Variants in USP7 observed in about 807,000 individuals in gnomAD.
USP7 encodes ubiquitin specific peptidase 7.
Under a neutral mutation model 162.9 loss-of-function variants are expected in USP7, and 9 were observed. That is an observed-to-expected ratio of 0.06 (90% CI 0.03 to 0.10). The LOEUF is 0.10. USP7 is among the 10% of genes least tolerant of loss of function. USP7 has a pLI of 1.00. For synonymous variants in USP7, 562 were observed against 475.9 expected, an observed-to-expected ratio of 1.18 and a Z score of -2.35; for missense variants, 715 against 1,373.7, an observed-to-expected ratio of 0.52 and a Z score of 7.58.
At chr16:8,929,659 C>T in intron 2 of USP7, 1 of 446,288 alleles carries the variant, frequency 2.2e-6, no homozygotes, top group Non-Finnish European at 4.5e-6. Flanking sequence ...CTGCTCCCTA[C>T]TCACAAGTGT....
rs1447392605 is a variant in USP7, at chr16:8,936,980, G to A, written c.80-6583C>T. ...GAAAGTCGCTGGGGGGCACACAGGC[G>A]CTCTGTCATAATTTTGCAACTTTTC... On this transcript the variant is annotated intron_variant, in intron 1 of 30. Coordinates refer to ENST00000344836, the MANE Select transcript of USP7 (RefSeq NM_003470.3). 3.9e-5 allele frequency among the ~76,000 whole-genome samples: 6 copies of A among 152,154 alleles called. No individual in the cohort carries two copies. In the East Asian group the frequency reaches 7.7e-4, roughly 20 times the overall value.
chr16:8,963,233 C>T lies in USP7; in HGVS notation c.53G>A (p.Ser18Asn), dbSNP rs1394655023. 5.0e-6 allele frequency: 7 copies of T among 1,405,368 alleles called. No individual in the cohort carries two copies. The highest frequency in any genetic ancestry group is 1.5e-5 in the African/African-American group (1 of 66,216). The allele number at this position is 1,405,368 out of a possible 1,614,324, so 87.1% of individuals were successfully genotyped here. The part of the protein sequence containing the change: ...QQQKAGEQQL[S>N]EPEDMEMEAG... ...TTCCATCTCCATGTCCTCGGGCTCG[C>T]TCAACTGCTGCTCGCCCGCTTTCTG... is the stretch of plus-strand genomic sequence containing the variant. Residue 18 changes from serine (S) to asparagine (N), a missense_variant, in exon 1 of 31, where the codon AGC (serine) becomes AAC (asparagine). Physicochemically the swap from Ser to Asn is conservative, Grantham distance 46 (BLOSUM62 1). Coordinates refer to ENST00000344836, the MANE Select transcript of USP7 (RefSeq NM_003470.3).
chr16:8,937,843 G>C (rs148552453), intron 1 of USP7, among the ~76,000 whole-genome samples: 1 of 152,178 alleles, frequency 6.6e-6, no homozygotes, highest in Non-Finnish European at 1.5e-5. Context: ...AACTGGACAA[G>C]AGAATTGCTC....
At position 8,904,336 on chromosome 16, in the gene USP7, C is replaced by T. The variant is rs1057341609; in HGVS notation, c.1704+99G>A. ...GATGGATGCCCTGCTGCATGGTGAC[C>T]TGGGAGTCCCAGAGGGGTGGGGGCT... On this transcript the variant is annotated intron_variant, in intron 15 of 30. Coordinates refer to ENST00000344836, the MANE Select transcript of USP7 (RefSeq NM_003470.3). 19 of 1,548,764 alleles carry T rather than the reference C, an allele frequency of 1.2e-5. No individual in the cohort carries two copies. The African/African-American group carries it at 2.5e-4, about 20-fold the overall frequency.
intron 1 of USP7, among the ~76,000 whole-genome samples, chr16:8,962,152 C>A (rs757853177): frequency 6.6e-6 from 1 of 152,230 alleles, no homozygotes; most frequent in African/African-American, 2.4e-5. Context: ...TCCCCTGGAG[C>A]TTCATTCATT....
At chr16:8,936,455 A>C (rs1474539460) in intron 1 of USP7, 1 of 974,410 alleles carries the variant, frequency 1.0e-6, no homozygotes, top group Non-Finnish European at 1.4e-6. Context: ...TCTTTATATA[A>C]ATTTTACTGA....
intron 1 of USP7, among the ~76,000 whole-genome samples, chr16:8,931,088 A>C (rs556703733): frequency 3.2e-4 from 49 of 152,346 alleles, no homozygotes; most frequent in South Asian, 6.2e-4. Context: ...CTAGTAATTA[A>C]AACAATTCTA....
intron 1 of USP7, among the ~76,000 whole-genome samples, chr16:8,949,129 C>G (rs945150126): frequency 2.0e-5 from 3 of 152,274 alleles, no homozygotes; most frequent in South Asian, 2.1e-4. Context: ...ACCACTGAAC[C>G]CACTTTAAAT....
intron 6 of USP7, among the ~76,000 whole-genome samples, chr16:8,917,451 T>A (rs144410708): frequency 2.8e-4 from 42 of 152,334 alleles, no homozygotes; most frequent in Middle Eastern, 3.4e-3. Flanking sequence ...CGACCTCAGC[T>A]CACTACAACC....
chr16:8,896,129 A>G (rs1475847802), intron 26 of USP7, among the ~76,000 whole-genome samples: 9 of 144,516 alleles, frequency 6.2e-5, no homozygotes, highest in Non-Finnish European at 1.1e-4. Flanking sequence ...GTGAGCCACC[A>G]TGCCCAGCTT....
chr16:8,898,456 T>C lies in USP7; in HGVS notation c.2641-19A>G. The C allele has an allele frequency of 6.2e-7, 1 of 1,610,592 alleles. No homozygotes were observed. The highest frequency in any genetic ancestry group is 8.5e-7 in the Non-Finnish European group (1 of 1,178,568). On this transcript the variant is annotated intron_variant, in intron 24 of 30. Transcript: ENST00000344836. ...TCTTAAGCTATTAAGAAAAGAAAGA[T>C]TCACATCAGATACCGTCACCAAAAC... is the stretch of plus-strand genomic sequence containing the variant.
chr16:8,923,358 T>C lies in USP7; in HGVS notation c.240A>G (p.Arg80=). 1 of 1,614,168 alleles carries C rather than the reference T, an allele frequency of 6.2e-7. No homozygotes were observed. ...TFQFTVERFS[R]LSESVLSPPC... ...GAGGGCTAAGGACCGACTCACTCAGTCTGCTGAAGCGCTCCACAGTGAACT... is the reference window on the plus strand; with the variant it reads ...GAGGGCTAAGGACCGACTCACTCAGCCTGCTGAAGCGCTCCACAGTGAACT... The change falls in exon 3 of 31, where the codon AGA becomes AGG. Residue 80 remains arginine, a synonymous_variant. Coordinates refer to ENST00000344836, the MANE Select transcript of USP7 (RefSeq NM_003470.3).
chr16:8,903,479 C>G (rs908835113), intron 15 of USP7, 77 bp from the exon 16 acceptor site: 18 of 1,456,550 alleles, frequency 1.2e-5, no homozygotes, highest in Middle Eastern at 3.6e-4. Context: ...CATTTAAACA[C>G]TAAAACGCTG....
chr16:8,914,551 C>CTA (rs1196707815), intron 10 of USP7, among the ~76,000 whole-genome samples: 2 of 152,276 alleles, frequency 1.3e-5, no homozygotes, highest in East Asian at 3.9e-4. Context: ...AAATGGAATA[C>CTA]TATAAAGCAA....
chr16:8,938,260 T>C (rs1898862061), intron 1 of USP7, among the ~76,000 whole-genome samples: 1 of 151,744 alleles, frequency 6.6e-6, no homozygotes, highest in African/African-American at 2.4e-5. Context: ...CACTATACTA[T>C]ACTGACTTGA....
chr16:8,899,487 C>G (rs2061741357), intron 22 of USP7, 117 bp downstream of exon 22: 12 of 1,310,404 alleles, frequency 9.2e-6, no homozygotes, highest in African/African-American at 3.0e-5. Context: ...GAGATTTCCT[C>G]GGGCATAGCC....
At chr16:8,910,303 C>G (rs2061926564) in intron 11 of USP7, among the ~76,000 whole-genome samples, 1 of 152,176 alleles carries the variant, frequency 6.6e-6, no homozygotes, top group Non-Finnish European at 1.5e-5. Context: ...CTGGGGGACA[C>G]AACCCTAGAG....
chr16:8,924,444 C>T (rs943669303), intron 2 of USP7, among the ~76,000 whole-genome samples: 4 of 152,260 alleles, frequency 2.6e-5, no homozygotes, highest in African/African-American at 9.6e-5. Flanking sequence ...CAGGGCCACA[C>T]CAAGGGCCAA....
chr16:8,930,542 A>C, intron 1 of USP7, 145 bp from the exon 2 acceptor site: 3 of 588,540 alleles, frequency 5.1e-6, no homozygotes, highest in Non-Finnish European at 8.4e-6. Context: ...AATCCAAAAA[A>C]TATTTATACT....
Sources: gnomAD v4.1 joint callset for allele counts (sites outside exome capture counted in the v4.1 genomes callset) on GRCh38, gnomAD v4.1.1 for gene constraint, MANE v1.5 for transcripts, NCBI Gene and HGNC (gene_info 2026-07-23, HGNC 2026-07-21) for gene names.